Variants in NFE2L2 observed in about 807,000 individuals in gnomAD.
NFE2L2 encodes nuclear factor erythroid 2-related factor 2.
A neutral mutation model predicts 49.6 loss-of-function variants in NFE2L2; 20 were observed. The ratio of observed to expected loss-of-function variants is 0.40; its 90% CI spans 0.28 to 0.59. The LOEUF (loss-of-function observed/expected upper bound fraction) is 0.59. NFE2L2 is among the 20% of genes least tolerant of loss of function. NFE2L2 has a pLI of 0.40. For synonymous variants in NFE2L2, 244 were observed against 256.5 expected (o/e 0.95, Z 0.47); for missense variants, 578 against 714.2 (o/e 0.81, Z 2.17).
chr2:177,245,514 C>T (rs957500065), intron 1 of NFE2L2, among the ~76,000 whole-genome samples: 1 of 152,242 alleles, frequency 6.6e-6, no homozygotes, highest in Non-Finnish European at 1.5e-5. Flanking sequence ...TCTATTACAC[C>T]TGGTGTTTGC....
intron 1 of NFE2L2, among the ~76,000 whole-genome samples, chr2:177,246,920 C>T (rs768093604): frequency 1.3e-5 from 2 of 151,910 alleles, no homozygotes; most frequent in Non-Finnish European, 2.9e-5. Flanking sequence ...TTTTTAATGA[C>T]TGGACATTAT....
intron 1 of NFE2L2, among the ~76,000 whole-genome samples, chr2:177,243,997 T>TAA (rs1207694039): frequency 6.4e-5 from 9 of 140,958 alleles, no homozygotes; most frequent in East Asian, 2.0e-4. Context: ...CACTTAGCTT[T>TAA]AAAAAAAAAA....
In NFE2L2 at chr2:177,234,186, T is replaced by A. The variant is rs1255895060; in HGVS notation, c.131A>T (p.Lys44Ile). The A allele has an allele frequency of 6.2e-7, 1 of 1,614,058 alleles. No individual in the cohort carries two copies. The highest frequency in any genetic ancestry group is 1.3e-5 in the African/African-American group (1 of 74,930). ...TTTCTGTTTTTCCAGCTCATACTCT[T>A]TCCGTCGCTGACTGAAGTCAAATAC... ...REVFDFSQRRKEYELEKQKKL... is the reference protein window; with the variant it reads ...REVFDFSQRRIEYELEKQKKL... Residue 44 changes from lysine to isoleucine, a missense_variant, in exon 2 of 5, where the codon AAA (lysine) becomes ATA (isoleucine). By Grantham distance (102) the Lys-to-Ile change is moderately radical. Around this residue, in one of 3 missense-constraint regions of NFE2L2, gnomAD observed 93 missense variants for 153.9 expected, o/e 0.60. Coordinates refer to ENST00000397062, the MANE Select transcript of NFE2L2 (RefSeq NM_006164.5).
At chr2:177,236,246 GAGGCAGCGCAGCTAGCTAGATGGCAC>G (rs896169417) in intron 1 of NFE2L2, among the ~76,000 whole-genome samples, 1 of 152,360 alleles carries the variant, frequency 6.6e-6, no homozygotes, top group African/African-American at 2.4e-5. Context: ...ACCCAGCCTG[GAGGCAGCGCAGCTAGCTAGATGGCAC>G]AGGCCACCTG....
At chr2:177,262,920 G>A (rs1690791580) in intron 1 of NFE2L2, among the ~76,000 whole-genome samples, 1 of 152,126 alleles carries the variant, frequency 6.6e-6, no homozygotes, top group Non-Finnish European at 1.5e-5. Flanking sequence ...TCCCAATGAA[G>A]ACTGGGGAAA....
intron 1 of NFE2L2, among the ~76,000 whole-genome samples, chr2:177,257,022 A>G (rs1323490449): frequency 6.6e-6 from 1 of 152,288 alleles, no homozygotes; most frequent in Non-Finnish European, 1.5e-5. Context: ...AGTTAGCCCC[A>G]GTTTCCAAAT....
Position 177,231,364 on chromosome 2 carries a change from C to G in NFE2L2, c.1239G>C (p.Gln413His). Reference sequence around the variant, plus strand: ...ATTGGGCATCATGCACGTGAGTGCTCTGCCCCTGAGATGGTGACAAGGGTT... The same window carrying G: ...ATTGGGCATCATGCACGTGAGTGCTGTGCCCCTGAGATGGTGACAAGGGTT... ...MVQPLSPSQG[Q>H]STHVHDAQCE... The change falls in exon 5 of 5, where the codon CAG becomes CAC. Residue 413 changes from glutamine (Q) to histidine (H), a missense_variant. Gln to His is a conservative substitution (Grantham distance 24). Transcript: ENST00000397062. 1 of 1,614,264 alleles carries G rather than the reference C, an allele frequency of 6.2e-7. No homozygotes were observed. The highest frequency in any genetic ancestry group is 8.5e-7 in the Non-Finnish European group (1 of 1,180,046).
chr2:177,239,529 T>A (rs1689870675), intron 1 of NFE2L2, among the ~76,000 whole-genome samples: 1 of 152,038 alleles, frequency 6.6e-6, no homozygotes, highest in Non-Finnish European at 1.5e-5. Flanking sequence ...ATACAAAAAT[T>A]AGCCGGGCGT....
chr2:177,260,896 C>T (rs999923803), intron 1 of NFE2L2, among the ~76,000 whole-genome samples: 3 of 152,080 alleles, frequency 2.0e-5, no homozygotes, highest in Non-Finnish European at 4.4e-5. Context: ...AACAGACTGG[C>T]GCAGTGGCTC....
chr2:177,238,600 C>T lies in NFE2L2; in HGVS notation c.46-4329G>A, dbSNP rs148333212. On this transcript the variant is annotated intron_variant, in intron 1 of 4. Coordinates refer to ENST00000397062, the MANE Select transcript of NFE2L2 (RefSeq NM_006164.5). The stretch of plus-strand genomic sequence containing the variant: ...ATGTTGACAGTGATAGGCTCTACTA[C>T]TTGCTGTATAAGCGAGACCAAAGTC... Among the ~76,000 whole-genome samples the T allele has an allele frequency of 3.0e-3, 451 of 152,326 alleles. 8 individuals carry two copies. In the East Asian group the frequency reaches 0.046, roughly 15 times the overall value.
intron 1 of NFE2L2, among the ~76,000 whole-genome samples, chr2:177,244,420 A>G (rs1347705275): frequency 6.6e-6 from 1 of 152,128 alleles, no homozygotes; most frequent in Non-Finnish European, 1.5e-5. Flanking sequence ...CCCATCAGAT[A>G]CCACCCCCTC....
intron 2 of NFE2L2, 21 bp downstream of exon 2, chr2:177,233,984 C>G (rs1409127538): frequency 6.2e-7 from 1 of 1,613,086 alleles, no homozygotes; most frequent in Non-Finnish European, 8.5e-7. Flanking sequence ...ATAACTTTCC[C>G]AAGAACTGAG....
In NFE2L2 at chr2:177,231,431, T is replaced by A. The variant is rs754308902; in HGVS notation, c.1172A>T (p.Asn391Ile). 2 of 1,614,250 alleles carry A rather than the reference T, an allele frequency of 1.2e-6. No homozygotes were observed. Among genetic ancestry groups the A allele is most frequent in the East Asian group, 4.5e-5 (2 of 44,888 alleles). ...LDSAPGSVKQ[N>I]GPKTPVHSSG... The stretch of plus-strand genomic sequence containing the variant: ...AGAATGTACTGGTGTTTTAGGACCA[T>A]TCTGTTTGACACTTCCAGGGGCACT... Residue 391 changes from asparagine (N) to isoleucine (I), a missense_variant, in exon 5 of 5, where the codon AAT becomes ATT. Asn to Ile is a moderately radical substitution (Grantham distance 149). Around this residue, in one of 3 missense-constraint regions of NFE2L2, gnomAD observed 368 missense variants for 384.6 expected, o/e 0.96. Transcript: ENST00000397062.
At chr2:177,256,265 A>C (rs919322484) in intron 1 of NFE2L2, among the ~76,000 whole-genome samples, 2 of 152,142 alleles carry the variant, frequency 1.3e-5, no homozygotes, top group Non-Finnish European at 2.9e-5. Context: ...TCTTCCCTCT[A>C]TTCTAGTCCC....
At chr2:177,233,475 T>G in intron 2 of NFE2L2, 136 bp from the exon 3 acceptor site, 1 of 721,730 alleles carries the variant, frequency 1.4e-6, no homozygotes, top group Non-Finnish European at 2.2e-6. Flanking sequence ...CAGAGATCAC[T>G]TTGATGCACA....
intron 1 of NFE2L2, among the ~76,000 whole-genome samples, chr2:177,244,328 T>C (rs1690049017): frequency 6.6e-6 from 1 of 151,348 alleles, no homozygotes; most frequent in Non-Finnish European, 1.5e-5. Flanking sequence ...TTAAAACTTG[T>C]AGAATGGTGG....
intron 1 of NFE2L2, among the ~76,000 whole-genome samples, chr2:177,262,191 C>G (rs750854824): frequency 1.3e-5 from 2 of 152,184 alleles, no homozygotes; most frequent in African/African-American, 4.8e-5. Flanking sequence ...TCAAGTTGTT[C>G]TTTGCTTAAC....
rs1336167346 is a variant in NFE2L2, at chr2:177,232,393, T to C, written c.593A>G (p.Gln198Arg). The C allele has an allele frequency of 6.2e-7, 1 of 1,610,906 alleles. No individual in the cohort carries two copies. Among genetic ancestry groups the C allele is most frequent in the African/African-American group, 1.3e-5 (1 of 74,950 alleles). Residue 198 changes from glutamine to arginine, a missense_variant and splice_region_variant, in exon 4 of 5, where the codon CAG (glutamine) becomes CGG (arginine). By Grantham distance (43) the Gln-to-Arg change is conservative (BLOSUM62 1). Transcript: ENST00000397062. ...AGTATTACATTCTATTTTAGTTACC[T>C]GTAACTCAGGAATGGATAATAGCTC... Reference protein sequence around the residue: ...WEELLSIPELQCLNIENDKLV... With the variant: ...WEELLSIPELRCLNIENDKLV...
intron 3 of NFE2L2, chr2:177,232,903 C>CA (rs1435585011): frequency 2.8e-5 from 13 of 469,924 alleles, no homozygotes; most frequent in African/African-American, 2.4e-4. Context: ...GTTAACTGAA[C>CA]AAGTCTTCGT....
Sources: allele counts gnomAD v4.1 joint callset (sites outside exome capture counted in the v4.1 genomes callset), GRCh38; gene constraint gnomAD v4.1.1; regional missense constraint gnomAD v4.1.1; transcripts MANE v1.5; gene names NCBI Gene and HGNC (gene_info 2026-07-23, HGNC 2026-07-21).